GLYR1: variants seen among roughly 807,000 people sequenced by gnomAD.
The protein encoded by GLYR1 is cytokine-like nuclear factor N-PAC.
GLYR1 carries 21 observed loss-of-function variants against 72.7 expected under a neutral mutation model. The ratio of observed to expected loss-of-function variants is 0.29; its 90% confidence interval spans 0.20 to 0.42. GLYR1 has a LOEUF of 0.42. GLYR1 is among the 10% of genes least tolerant of loss of function. The pLI, the probability that GLYR1 is intolerant of heterozygous loss-of-function variation, is 1.00. For synonymous variants in GLYR1, 392 were observed against 270.2 expected (o/e 1.45, Z -4.42); for missense variants, 594 against 712.1 (o/e 0.83, Z 1.89).
chr16:4,846,613 C>T (rs1438997613), intron 1 of GLYR1: 3 of 254,342 alleles, frequency 1.2e-5, no homozygotes, highest in Non-Finnish European at 2.4e-5. Context: ...CTACGCAGCT[C>T]GAGGGAGGCG....
At chr16:4,837,730 G>C (rs1362784367) in intron 3 of GLYR1, among the ~76,000 whole-genome samples, 4 of 152,002 alleles carry the variant, frequency 2.6e-5, no homozygotes, top group South Asian at 2.1e-4. Context: ...TCAAGAGATT[G>C]AGACCACCCT....
At chr16:4,826,333 T>C (rs866967801) in intron 5 of GLYR1, among the ~76,000 whole-genome samples, 1 of 152,364 alleles carries the variant, frequency 6.6e-6, no homozygotes, top group South Asian at 2.1e-4. Context: ...CTCTAACTTC[T>C]GGCCTCAAGT....
intron 15 of GLYR1, 50 bp from the exon 16 acceptor site, chr16:4,805,360 G>T: frequency 6.7e-7 from 1 of 1,489,192 alleles, no homozygotes; most frequent in Non-Finnish European, 9.3e-7. Flanking sequence ...CTGCCTTCAA[G>T]ACCTAGACCT....
chr16:4,812,099 G>C lies in GLYR1; in HGVS notation c.1269C>G (p.Thr423=). The part of the protein sequence containing the change: ...CSSCFQAMGK[T]SFFLGEVGNA... ...CAGGCGTGTTACCTAGGAAGAAGGA[G>C]GTCTTCCCCATCGCCTGGAAGCAGC... is the stretch of plus-strand genomic sequence containing the variant. The change falls in exon 13 of 16, where the codon ACC becomes ACG. Residue 423 remains threonine, a synonymous_variant. Coordinates refer to ENST00000321919, the MANE Select transcript of GLYR1 (RefSeq NM_032569.4). 6.2e-7 allele frequency: 1 copy of C among 1,613,812 alleles called. No individual in the cohort carries two copies. The highest frequency in any genetic ancestry group is 8.5e-7 in the Non-Finnish European group (1 of 1,179,860).
At chr16:4,812,835 T>G (rs922584223) in intron 12 of GLYR1, among the ~76,000 whole-genome samples, 2 of 139,458 alleles carry the variant, frequency 1.4e-5, no homozygotes, top group African/African-American at 5.4e-5. Flanking sequence ...CTTGCTCTGT[T>G]GCCCAGGCTG....
At chr16:4,843,658 G>A in intron 3 of GLYR1, 1 of 1,285,642 alleles carries the variant, frequency 7.8e-7, no homozygotes, top group Non-Finnish European at 1.0e-6. Flanking sequence ...GATGAGTGAA[G>A]AATACTGTTT....
At chr16:4,844,474 T>C (rs1270141608) in intron 3 of GLYR1, among the ~76,000 whole-genome samples, 2 of 152,258 alleles carry the variant, frequency 1.3e-5, no homozygotes. Context: ...ACATGGCTTT[T>C]ATAAAAATAA....
Position 4,832,580 on chromosome 16 carries a change from C to A in GLYR1, c.294+194G>T, listed in dbSNP as rs377469045. The A allele has an allele frequency of 5.9e-6, 4 of 674,076 alleles. No homozygotes were observed. In the Admixed American group the frequency reaches 1.3e-4, roughly 23 times the overall value. 41.8% of individuals were successfully genotyped at this position (674,076 alleles called of 1,614,324 possible). On this transcript the variant is annotated intron_variant, in intron 4 of 15. Coordinates refer to ENST00000321919, the MANE Select transcript of GLYR1 (RefSeq NM_032569.4). The stretch of plus-strand genomic sequence containing the variant: ...CAAGCAATTTTCCTAAAAGCAACAA[C>A]CTACTCCAGAAAGGTTAGCTGCATG...
At chr16:4,845,307 C>G (rs954583012) in intron 2 of GLYR1, among the ~76,000 whole-genome samples, 154 bp from the exon 3 acceptor site, 1 of 152,146 alleles carries the variant, frequency 6.6e-6, no homozygotes, top group Non-Finnish European at 1.5e-5. Flanking sequence ...AAACAGAACC[C>G]AAGGCCTAGT....
At chr16:4,811,086 C>T (rs2083299634) in intron 15 of GLYR1, 84 bp downstream of exon 15, 1 of 1,498,894 alleles carries the variant, frequency 6.7e-7, no homozygotes, top group Non-Finnish European at 8.9e-7. Flanking sequence ...GCCTGGGTGA[C>T]AGAGTGAGAC....
At chr16:4,818,616 C>A (rs912043968) in intron 9 of GLYR1, among the ~76,000 whole-genome samples, 3 of 152,144 alleles carry the variant, frequency 2.0e-5, no homozygotes, top group Admixed American at 2.0e-4. Context: ...CAGAATCCAC[C>A]ACAAGTCACT....
At chr16:4,843,677 T>C (rs2085727355) in intron 3 of GLYR1, 7 of 1,260,434 alleles carry the variant, frequency 5.6e-6, no homozygotes, top group South Asian at 1.3e-5. Flanking sequence ...TTATAATATA[T>C]CGCTTTCTAA....
rs1054418883 is a variant in GLYR1 at position 4,804,663 on chromosome 16, G to C, written c.*573C>G. ...CGCTTAGACGTGAACATCTTTCTCAGCTCATCACCTGAGGTTGGAGGGCCC... is the reference window on the plus strand; with the variant it reads ...CGCTTAGACGTGAACATCTTTCTCACCTCATCACCTGAGGTTGGAGGGCCC... On this transcript the variant is annotated 3_prime_UTR_variant, in exon 16 of 16. Coordinates refer to ENST00000321919, the MANE Select transcript of GLYR1 (RefSeq NM_032569.4). 1 of 157,978 alleles carries C rather than the reference G, an allele frequency of 6.3e-6. No individual in the cohort carries two copies. Among genetic ancestry groups the C allele is most frequent in the Non-Finnish European group, 1.4e-5 (1 of 71,138 alleles). The allele number at this position is 157,978 out of a possible 1,614,324, so 9.8% of individuals were successfully genotyped here. A position where few individuals can be genotyped will look rare whatever the true frequency, so the allele number is the denominator to read the frequency against.
intron 6 of GLYR1, among the ~76,000 whole-genome samples, chr16:4,823,471 T>C (rs951810408): frequency 2.2e-4 from 34 of 152,172 alleles, no homozygotes; most frequent in East Asian, 1.9e-4. Flanking sequence ...GTTGTATTTA[T>C]GGACAATAAG....
At chr16:4,806,432 T>A (rs1294378553) in intron 15 of GLYR1, among the ~76,000 whole-genome samples, 1 of 151,108 alleles carries the variant, frequency 6.6e-6, no homozygotes, top group Non-Finnish European at 1.5e-5. Flanking sequence ...TCATGGCTCA[T>A]TGCAGCCTCG....
chr16:4,829,951 G>A (rs1203407089), intron 5 of GLYR1, among the ~76,000 whole-genome samples: 1 of 152,030 alleles, frequency 6.6e-6, no homozygotes, highest in East Asian at 1.9e-4. Flanking sequence ...GGGATTACAG[G>A]TGTGAGCCAC....
At chr16:4,816,917 G>A (rs958030066) in intron 10 of GLYR1, among the ~76,000 whole-genome samples, 3 of 151,442 alleles carry the variant, frequency 2.0e-5, no homozygotes, top group Non-Finnish European at 2.9e-5. Context: ...AACCTGGGAG[G>A]TGGAGGTTGC....
intron 2 of GLYR1, 39 bp downstream of exon 2, chr16:4,846,135 C>T (rs1266417091): frequency 1.2e-6 from 2 of 1,611,438 alleles, no homozygotes; most frequent in Admixed American, 1.7e-5. Context: ...CTCTTCAAAC[C>T]CAACTTCAGA....
rs537138499 is a variant in GLYR1 at position 4,805,146 on chromosome 16, G to C, written c.*90C>G. 1.4e-5 allele frequency: 15 copies of C among 1,044,118 alleles called. No homozygotes were observed. The East Asian group carries it at 3.4e-4, about 23-fold the overall frequency. The allele number at this position is 1,044,118 out of a possible 1,614,324, so 64.7% of individuals were successfully genotyped here. ...AAAGGAAATGGAGATAGGTGGGCTG[G>C]TCCAGAATGAACTCCCAGGCCCCCG... On this transcript the variant is annotated 3_prime_UTR_variant, in exon 16 of 16. Coordinates refer to ENST00000321919, the MANE Select transcript of GLYR1 (RefSeq NM_032569.4).
Sources: gnomAD v4.1 joint callset for allele counts (sites outside exome capture counted in the v4.1 genomes callset) on GRCh38, gnomAD v4.1.1 for gene constraint, MANE v1.5 for transcripts, NCBI Gene and HGNC (gene_info 2026-07-23, HGNC 2026-07-21) for gene names.